SEC14L1: variants seen among roughly 807,000 people sequenced by gnomAD.
SEC14L1 encodes the protein SEC14-like protein 1.
A neutral mutation model predicts 85.3 loss-of-function variants in SEC14L1; 48 were observed. The observed-to-expected ratio is 0.56, with a 90% CI of 0.45 to 0.72. SEC14L1 has a LOEUF of 0.72. SEC14L1 is among the 30% of genes least tolerant of loss of function. The pLI, the probability that SEC14L1 is intolerant of heterozygous loss-of-function variation, is 0.00. For missense variants in SEC14L1, 682 were observed against 921.4 expected, an observed-to-expected ratio of 0.74 and a Z score of 3.36; for synonymous variants, 391 against 355.5, an observed-to-expected ratio of 1.10 and a Z score of -1.12.
At chr17:77,096,182 C>T (rs1217782967) in intron 3 of SEC14L1, among the ~76,000 whole-genome samples, 2 of 151,822 alleles carry the variant, frequency 1.3e-5, no homozygotes, top group Non-Finnish European at 2.9e-5. Context: ...CAGGCATGAG[C>T]CATCACGCCT....
Position 77,213,760 on chromosome 17 carries a change from C to G in SEC14L1, c.2043-158C>G, listed in dbSNP as rs1976895974. 1.8e-5 allele frequency: 18 copies of G among 1,005,810 alleles called. No homozygotes were observed. In the East Asian group the frequency reaches 4.1e-4, roughly 23 times the overall value. The allele number at this position is 1,005,810 out of a possible 1,614,324, so 62.3% of individuals were successfully genotyped here. ...TGCAGGCTGTGGGAAGCCGGTCCCC[C>G]TGGTGGGTTACTCATGTCCATCCCC... is the stretch of plus-strand genomic sequence containing the variant. On this transcript the variant is annotated intron_variant, in intron 16 of 16. Coordinates refer to ENST00000436233, the MANE Select transcript of SEC14L1 (RefSeq NM_001143998.2). This position sits in a 1 kb window ranked among gnomAD's most constrained non-coding sequence, Gnocchi z 7.1.
At chr17:77,133,499 C>T (rs948124774) in intron 3 of SEC14L1, among the ~76,000 whole-genome samples, 1 of 152,202 alleles carries the variant, frequency 6.6e-6, no homozygotes, top group Non-Finnish European at 1.5e-5. Flanking sequence ...GTCTGAGCAA[C>T]TCACAGTGTC....
intron 3 of SEC14L1, among the ~76,000 whole-genome samples, chr17:77,111,169 G>C (rs929912591): frequency 6.8e-6 from 1 of 146,282 alleles, no homozygotes. Flanking sequence ...CTGGGTGACA[G>C]AGCGAGACTC....
At position 77,206,403 on chromosome 17, in the gene SEC14L1, G is replaced by A. The variant is rs769031922; in HGVS notation, c.1341+3G>A. 9 of 1,612,112 alleles carry A rather than the reference G, an allele frequency of 5.6e-6. No homozygotes were observed. The highest frequency in any genetic ancestry group is 1.7e-4 in the Middle Eastern group (1 of 6,030). The stretch of plus-strand genomic sequence containing the variant: ...TATTTCCTGTGCTCTGGACGCTGGT[G>A]GGTTGAGATGCTTTTTGCAGTAACT... On this transcript the variant is annotated splice_donor_region_variant and intron_variant, in intron 12 of 16. Coordinates refer to ENST00000436233, the MANE Select transcript of SEC14L1 (RefSeq NM_001143998.2). The surrounding 1 kb of genome is among the most constrained non-coding windows in gnomAD (Gnocchi z 4.3).
chr17:77,157,068 C>G (rs1357514487), intron 3 of SEC14L1, among the ~76,000 whole-genome samples: 1 of 152,120 alleles, frequency 6.6e-6, no homozygotes, highest in African/African-American at 2.4e-5. Flanking sequence ...TTCTTGTTTT[C>G]TTAATAAATA....
chr17:77,162,214 G>A (rs1178880016), intron 3 of SEC14L1, among the ~76,000 whole-genome samples: 2 of 152,176 alleles, frequency 1.3e-5, no homozygotes, highest in African/African-American at 4.8e-5. Context: ...AGGCCCCACG[G>A]GCACTGCTGT....
At position 77,214,927 on chromosome 17, in the gene SEC14L1, G is replaced by A; in HGVS notation, c.*904G>A. ...CCACTAGGAGGCCGTCTTGGAACCAGCAAGTCGCATTTGCCACTTGACACT... is the reference window on the plus strand; with the variant it reads ...CCACTAGGAGGCCGTCTTGGAACCAACAAGTCGCATTTGCCACTTGACACT... On this transcript the variant is annotated 3_prime_UTR_variant, in exon 17 of 17. Coordinates refer to ENST00000436233, the MANE Select transcript of SEC14L1 (RefSeq NM_001143998.2). The A allele has an allele frequency of 1.0e-6, 1 of 985,412 alleles. No homozygotes were observed. The highest frequency in any genetic ancestry group is 1.2e-6 in the Non-Finnish European group (1 of 829,952). The allele number at this position is 985,412 out of a possible 1,614,324, so 61.0% of individuals were successfully genotyped here. A position where few individuals can be genotyped will look rare whatever the true frequency, so the allele number is the denominator to read the frequency against.
chr17:77,201,863 A>G (rs1567929956), intron 9 of SEC14L1, among the ~76,000 whole-genome samples: 1 of 152,066 alleles, frequency 6.6e-6, no homozygotes, highest in Non-Finnish European at 1.5e-5. Flanking sequence ...CTAGAGCTAG[A>G]CTCTCCTGGG....
chr17:77,145,851 T>G (rs1973277187), intron 3 of SEC14L1, among the ~76,000 whole-genome samples: 1 of 152,308 alleles, frequency 6.6e-6, no homozygotes, highest in Middle Eastern at 3.4e-3. Flanking sequence ...TGGCTCCATG[T>G]GCTGGAGCCT....
At chr17:77,157,017 T>C (rs1040443790) in intron 3 of SEC14L1, among the ~76,000 whole-genome samples, 8 of 152,246 alleles carry the variant, frequency 5.3e-5, no homozygotes, top group Non-Finnish European at 1.0e-4. Context: ...AATCTGACTT[T>C]AAGATTTCTC....
chr17:77,206,997 C>T lies in SEC14L1; in HGVS notation c.1476+135C>T. On this transcript the variant is annotated intron_variant, in intron 13 of 16. Transcript: ENST00000436233. The surrounding 1 kb of genome is among the most constrained non-coding windows in gnomAD (Gnocchi z 4.3). ...TTTTTGTTTTGTTTCTTTTGGCCGC[C>T]ATTTCTCTGATCCAGGGTTAAGCTA... is the stretch of plus-strand genomic sequence containing the variant. 1.1e-6 allele frequency: 1 copy of T among 901,206 alleles called. No individual in the cohort carries two copies. Among genetic ancestry groups the T allele is most frequent in the Non-Finnish European group, 1.6e-6 (1 of 613,792 alleles). The allele number at this position is 901,206 out of a possible 1,614,324, so 55.8% of individuals were successfully genotyped here.
chr17:77,116,461 T>C (rs1161190671), intron 3 of SEC14L1, among the ~76,000 whole-genome samples: 1 of 151,990 alleles, frequency 6.6e-6, no homozygotes, highest in Non-Finnish European at 1.5e-5. Flanking sequence ...TGTGGGATTG[T>C]GGAGGGCAGA....
chr17:77,173,487 G>A (rs944173737), intron 3 of SEC14L1, among the ~76,000 whole-genome samples: 22 of 152,040 alleles, frequency 1.4e-4, no homozygotes, highest in Admixed American at 7.2e-4. Flanking sequence ...GTTTCTATAG[G>A]GTAAGTAGTT....
Position 77,216,435 on chromosome 17 carries a change from C to T in SEC14L1, c.*2412C>T, listed in dbSNP as rs952650255. Reference sequence around the variant, plus strand: ...GTAGGTAGGGTTCGTAGGTAGGGTTCGTAGGTAGGGTTAGTAGCGCGTCTG... The same window carrying T: ...GTAGGTAGGGTTCGTAGGTAGGGTTTGTAGGTAGGGTTAGTAGCGCGTCTG... On this transcript the variant is annotated 3_prime_UTR_variant, in exon 17 of 17. Coordinates refer to ENST00000436233, the MANE Select transcript of SEC14L1 (RefSeq NM_001143998.2). The T allele has an allele frequency of 6.9e-6, 10 of 1,458,028 alleles. No homozygotes were observed. In the East Asian group the frequency reaches 9.2e-5, roughly 13 times the overall value. 90.3% of individuals were successfully genotyped at this position (1,458,028 alleles called of 1,614,324 possible). A position where few individuals can be genotyped will look rare whatever the true frequency, so the allele number is the denominator to read the frequency against.
At position 77,215,008 on chromosome 17, in the gene SEC14L1, G is replaced by A. The variant is rs969207452; in HGVS notation, c.*985G>A. The A allele has an allele frequency of 4.1e-6, 4 of 985,546 alleles. No individual in the cohort carries two copies. In the South Asian group the frequency reaches 1.4e-4, roughly 35 times the overall value. 61.1% of individuals were successfully genotyped at this position (985,546 alleles called of 1,614,324 possible). A position where few individuals can be genotyped will look rare whatever the true frequency, so the allele number is the denominator to read the frequency against. ...CAGCTCTCGCATCCACTTCAGGGTGGCGTGTGGCATGTAGGAGTCCTGCTT... is the reference window on the plus strand; with the variant it reads ...CAGCTCTCGCATCCACTTCAGGGTGACGTGTGGCATGTAGGAGTCCTGCTT... On this transcript the variant is annotated 3_prime_UTR_variant, in exon 17 of 17. Coordinates refer to ENST00000436233, the MANE Select transcript of SEC14L1 (RefSeq NM_001143998.2).
At chr17:77,166,984 C>A (rs1459252247) in intron 3 of SEC14L1, among the ~76,000 whole-genome samples, 1 of 152,150 alleles carries the variant, frequency 6.6e-6, no homozygotes, top group Non-Finnish European at 1.5e-5. Flanking sequence ...TGTGTTTCTC[C>A]CCAGATGAAA....
In SEC14L1 at chr17:77,170,135, A is replaced by C. The variant is rs192176565; in HGVS notation, c.64-20668A>C. On this transcript the variant is annotated intron_variant, in intron 3 of 16. Coordinates refer to ENST00000436233, the MANE Select transcript of SEC14L1 (RefSeq NM_001143998.2). Reference sequence around the variant, plus strand: ...GCATAACAAGACAAGCATTAAAAGTAATGGTTTGAGGGGAGCTAGATCTGG... The same window carrying C: ...GCATAACAAGACAAGCATTAAAAGTCATGGTTTGAGGGGAGCTAGATCTGG... Among the ~76,000 whole-genome samples, 405 of 152,308 alleles carry C rather than the reference A, an allele frequency of 2.7e-3. 2 individuals are homozygous for C. Among genetic ancestry groups the C allele is most frequent in the African/African-American group, 9.1e-3 (377 of 41,572 alleles).
chr17:77,096,023 C>T (rs931836317), intron 3 of SEC14L1, among the ~76,000 whole-genome samples: 7 of 149,882 alleles, frequency 4.7e-5, no homozygotes, highest in Non-Finnish European at 1.0e-4. Flanking sequence ...CTGTCTCCTG[C>T]TGTCATTCAG....
chr17:77,209,170 T>TA (rs1184537839), intron 13 of SEC14L1, among the ~76,000 whole-genome samples, 172 bp from the exon 14 acceptor site: 1 of 152,224 alleles, frequency 6.6e-6, no homozygotes, highest in Admixed American at 6.5e-5. Flanking sequence ...AAGTGGTTTT[T>TA]AAAAACATAT....
Sources: gnomAD v4.1 joint callset for allele counts (sites outside exome capture counted in the v4.1 genomes callset) on GRCh38, gnomAD v4.1.1 for gene constraint, Gnocchi (gnomAD v3.1) non-coding constraint, MANE v1.5 for transcripts, NCBI Gene and HGNC (gene_info 2026-07-23, HGNC 2026-07-21) for gene names.